The following SHANK2 variants were observed in gnomAD, a reference collection of about 807,000 sequenced individuals.
SHANK2 encodes SH3 and multiple ankyrin repeat domains protein 2.
In SHANK2, 43 loss-of-function variants were observed where a neutral mutation model predicts 133.7. The observed-to-expected ratio is 0.32, with a 90% CI of 0.25 to 0.41. SHANK2 has a LOEUF of 0.41. SHANK2 is among the 10% of genes least tolerant of loss of function. The probability of loss-of-function intolerance (pLI) is 1.00; values close to 1 mark genes in which losing one functional copy is unlikely to be tolerated. For missense variants in SHANK2, 1,994 were observed against 2,235.8 expected, an observed-to-expected ratio of 0.89 and a Z score of 2.18; for synonymous variants, 1,017 against 952.8, an observed-to-expected ratio of 1.07 and a Z score of -1.24.
At chr11:70,896,452 A>T in intron 11 of SHANK2, 49 bp downstream of exon 11, 1 of 689,416 alleles carries the variant, frequency 1.5e-6, no homozygotes, top group South Asian at 1.6e-5. Context: ...GATTCCTCAG[A>T]GCATCTCCAA....
In SHANK2 at chr11:71,127,440, T is replaced by C. The variant is rs568785785; in HGVS notation, c.208-8408A>G. 3.9e-5 allele frequency among the ~76,000 whole-genome samples: 6 copies of C among 152,250 alleles called. No homozygotes were observed. In the South Asian group the frequency reaches 1.2e-3, roughly 32 times the overall value. On this transcript the variant is annotated intron_variant, in intron 3 of 25. Transcript: ENST00000601538. ...AACAGCATTGCATGCTACAGAGAAA[T>C]CGTTCGTGAGTCAATTAATGCAGCA...
At chr11:71,071,447 C>T (rs1051634345) in intron 9 of SHANK2, among the ~76,000 whole-genome samples, 16,557 of 152,294 alleles carry the variant, frequency 0.11, 1,107 homozygotes, top group South Asian at 0.15. Context: ...TGATGATATC[C>T]ACACGTGCTT....
chr11:70,692,289 C>T (rs975431505), intron 15 of SHANK2, among the ~76,000 whole-genome samples: 2 of 152,200 alleles, frequency 1.3e-5, no homozygotes, highest in Non-Finnish European at 2.9e-5. Flanking sequence ...ACACACTGCT[C>T]ACAACTCAGC....
At chr11:70,510,794 C>G (rs1195930024) in intron 17 of SHANK2, among the ~76,000 whole-genome samples, 1 of 152,186 alleles carries the variant, frequency 6.6e-6, no homozygotes, top group Non-Finnish European at 1.5e-5. Flanking sequence ...AGGGTGGAGC[C>G]CATGCTCCCA....
At chr11:70,577,608 A>G (rs1354796119) in intron 17 of SHANK2, among the ~76,000 whole-genome samples, 1 of 152,144 alleles carries the variant, frequency 6.6e-6, no homozygotes, top group East Asian at 1.9e-4. Context: ...CACAAAATAG[A>G]TGAGGCAACA....
chr11:71,111,092 TGA>T lies in SHANK2; in HGVS notation c.484-1045_484-1044del, dbSNP rs200716549. On this transcript the variant is annotated intron_variant, in intron 5 of 25. Coordinates refer to ENST00000601538, the MANE Select transcript of SHANK2 (RefSeq NM_012309.5). ...CTCAGACTTGCAGCCTCCAAAATGGTGAGAGTCACACTTTTGTTGTTTATAAG... is the reference window on the plus strand; with the variant it reads ...CTCAGACTTGCAGCCTCCAAAATGGTGAGTCACACTTTTGTTGTTTATAAG... 5.8e-3 allele frequency among the ~76,000 whole-genome samples: 890 copies of T among 152,334 alleles called. 11 individuals are homozygous for T. The highest frequency in any genetic ancestry group is 0.021 in the African/African-American group (853 of 41,568).
At chr11:71,073,875 C>T (rs1021636280) in intron 9 of SHANK2, among the ~76,000 whole-genome samples, 1 of 152,296 alleles carries the variant, frequency 6.6e-6, no homozygotes, top group East Asian at 1.9e-4. Context: ...CTCTGATCTG[C>T]CCCTCTCCAT....
At position 70,468,842 on chromosome 11, in the gene SHANK2, A is replaced by G. The variant is rs1373172523; in HGVS notation, c.*4027T>C. 1 of 152,266 alleles carries G rather than the reference A, an allele frequency of 6.6e-6. No homozygotes were observed. Among genetic ancestry groups the G allele is most frequent in the African/African-American group, 2.4e-5 (1 of 41,472 alleles). 9.4% of individuals were successfully genotyped at this position (152,266 alleles called of 1,614,324 possible). The stretch of plus-strand genomic sequence containing the variant: ...TAAAGACAACAAGTTTTCACTGGTG[A>G]GGCCAAAGAAGAAGTTCAACGTTTA... On this transcript the variant is annotated 3_prime_UTR_variant, in exon 26 of 26. Coordinates refer to ENST00000601538, the MANE Select transcript of SHANK2 (RefSeq NM_012309.5).
At chr11:70,920,937 G>A (rs1950341177) in intron 10 of SHANK2, among the ~76,000 whole-genome samples, 1 of 152,112 alleles carries the variant, frequency 6.6e-6, no homozygotes, top group South Asian at 2.1e-4. Flanking sequence ...TAAAAAGTAA[G>A]CCCCCTTAAA....
chr11:70,668,273 C>T (rs868960147), intron 15 of SHANK2: 1 of 152,232 alleles, frequency 6.6e-6, no homozygotes, highest in Non-Finnish European at 1.5e-5. Flanking sequence ...TAGGGAGGGT[C>T]CTAAACCAAT....
At position 70,827,983 on chromosome 11, in the gene SHANK2, G is replaced by C. The variant is rs147960062; in HGVS notation, c.1175-7301C>G. Among the ~76,000 whole-genome samples, 766 of 152,244 alleles carry C rather than the reference G, an allele frequency of 5.0e-3. 5 individuals carry two copies. Among genetic ancestry groups the C allele is most frequent in the African/African-American group, 0.017 (715 of 41,552 alleles). On this transcript the variant is annotated intron_variant, in intron 11 of 25. Coordinates refer to ENST00000601538, the MANE Select transcript of SHANK2 (RefSeq NM_012309.5). ...TACGCCCTATATCAGCTGAGCACCC[G>C]AACAGCATCTCTTGGCCGGGTGCGG... is the stretch of plus-strand genomic sequence containing the variant.
intron 17 of SHANK2, among the ~76,000 whole-genome samples, chr11:70,567,138 GAGAGGTGTCTGC>G (rs1326148822): frequency 6.6e-6 from 1 of 152,198 alleles, no homozygotes; most frequent in Non-Finnish European, 1.5e-5. Flanking sequence ...ATGATTGATG[GAGAGGTGTCTGC>G]AGAGCATCTG....
chr11:70,581,667 G>A (rs755443313), intron 17 of SHANK2, among the ~76,000 whole-genome samples: 5 of 152,180 alleles, frequency 3.3e-5, no homozygotes, highest in African/African-American at 4.8e-5. Context: ...CTCCAGCCTG[G>A]GTGACCGAGC....
intron 11 of SHANK2, among the ~76,000 whole-genome samples, chr11:70,894,486 C>G (rs1469320866): frequency 6.6e-6 from 1 of 152,108 alleles, no homozygotes; most frequent in Non-Finnish European, 1.5e-5. Flanking sequence ...CGCGCCTGGC[C>G]CCTCCTGTTT....
chr11:70,767,836 G>A (rs1203191020), intron 14 of SHANK2, among the ~76,000 whole-genome samples: 1 of 152,174 alleles, frequency 6.6e-6, no homozygotes, highest in Admixed American at 6.5e-5. Flanking sequence ...AATGGTTAAT[G>A]TCAATTTCGC....
At chr11:70,605,979 T>C (rs1554992278) in intron 17 of SHANK2, among the ~76,000 whole-genome samples, 2 of 152,076 alleles carry the variant, frequency 1.3e-5, no homozygotes, top group East Asian at 3.9e-4. Context: ...AAAGATGGCA[T>C]GAAGTACCCT....
intron 18 of SHANK2, 132 bp from the exon 19 acceptor site, chr11:70,502,418 GGTGT>G: frequency 1.2e-6 from 1 of 820,670 alleles, no homozygotes; most frequent in South Asian, 1.7e-5. Flanking sequence ...GGATTGTGCA[GGTGT>G]GCTTATGATG....
At chr11:70,478,447 C>T (rs557008590) in intron 25 of SHANK2, among the ~76,000 whole-genome samples, 4 of 152,300 alleles carry the variant, frequency 2.6e-5, no homozygotes, top group South Asian at 4.1e-4. Context: ...TCCAGCACAC[C>T]GCACGCCTCT....
intron 9 of SHANK2, among the ~76,000 whole-genome samples, chr11:71,058,832 C>T (rs1288269851): frequency 2.0e-5 from 3 of 152,268 alleles, no homozygotes; most frequent in Non-Finnish European, 2.9e-5. Flanking sequence ...GCCCGGGCCC[C>T]GGGGGAACCC....
Sources: gnomAD v4.1 joint callset for allele counts (sites outside exome capture counted in the v4.1 genomes callset) on GRCh38, gnomAD v4.1.1 for gene constraint, MANE v1.5 for transcripts, NCBI Gene and HGNC (gene_info 2026-07-23, HGNC 2026-07-21) for gene names.